The following LASP1 variants were observed in gnomAD, a reference collection of about 807,000 sequenced individuals.
LASP1 encodes LIM and SH3 domain protein 1.
Under a neutral mutation model 38.6 loss-of-function variants are expected in LASP1, and 10 were observed. The ratio of observed to expected loss-of-function variants is 0.26; its 90% CI spans 0.16 to 0.44. The LOEUF (loss-of-function observed/expected upper bound fraction) is 0.44, where lower values mean the gene tolerates loss of function less well. Ranked by LOEUF, LASP1 falls within the 20% of genes least tolerant of loss-of-function variation. The probability of loss-of-function intolerance (pLI) is 1.00; values close to 1 mark genes in which losing one functional copy is unlikely to be tolerated. For synonymous variants in LASP1, 132 were observed against 140.8 expected (o/e 0.94, Z 0.44); for missense variants, 243 against 375.7 (o/e 0.65, Z 2.92).
At chr17:38,873,365 C>A (rs887371180) in intron 1 of LASP1, among the ~76,000 whole-genome samples, 1 of 152,162 alleles carries the variant, frequency 6.6e-6, no homozygotes, top group Non-Finnish European at 1.5e-5. Context: ...TGGGCTCAGT[C>A]TTCACAGCAG....
rs374377577 is a variant in LASP1, at chr17:38,921,511, CAG to C, written c.*2735_*2736del. ...CTACAAACCTGTATTTAAAAAGAAACAGAAATGACCACGTGAAATTTGCCTCT... is the reference window on the plus strand; with the variant it reads ...CTACAAACCTGTATTTAAAAAGAAACAAATGACCACGTGAAATTTGCCTCT... On this transcript the variant is annotated 3_prime_UTR_variant, in exon 7 of 7. Coordinates refer to ENST00000318008, the MANE Select transcript of LASP1 (RefSeq NM_006148.4). 650 of 232,532 alleles carry C rather than the reference CAG, an allele frequency of 2.8e-3. 4 individuals carry two copies. The highest frequency in any genetic ancestry group is 0.012 in the African/African-American group (556 of 45,286). 14.4% of individuals were successfully genotyped at this position (232,532 alleles called of 1,614,324 possible).
chr17:38,908,767 C>T (rs1031068917), intron 4 of LASP1, among the ~76,000 whole-genome samples: 17 of 152,382 alleles, frequency 1.1e-4, no homozygotes, highest in African/African-American at 3.8e-4. Flanking sequence ...GGCTGTTCAG[C>T]CAGCAGGAGC....
intron 4 of LASP1, chr17:38,899,255 G>GAACTGCAGC (rs1277975138): frequency 2.4e-5 from 4 of 166,152 alleles, no homozygotes; most frequent in African/African-American, 7.1e-5. Context: ...TGCGCACACA[G>GAACTGCAGC]AACTGCAGGG....
At chr17:38,906,618 G>T (rs1914782339) in intron 4 of LASP1, among the ~76,000 whole-genome samples, 1 of 152,164 alleles carries the variant, frequency 6.6e-6, no homozygotes, top group South Asian at 2.1e-4. Flanking sequence ...CCTAGCTGGT[G>T]AGCTGATGAT....
chr17:38,897,139 A>T (rs957591122), intron 3 of LASP1: 77 of 923,640 alleles, frequency 8.3e-5, no homozygotes, highest in Non-Finnish European at 9.4e-5. Flanking sequence ...ACTAATGGGG[A>T]ACAGCACATC....
Position 38,920,864 on chromosome 17 carries a change from A to G in LASP1, c.*2086A>G. On this transcript the variant is annotated 3_prime_UTR_variant, in exon 7 of 7. Coordinates refer to ENST00000318008, the MANE Select transcript of LASP1 (RefSeq NM_006148.4). ...CTGTTTCCTCTTGATCTCAAAGCACAATGTGGATTTGGGGACCAAAGGTCA... is the reference window on the plus strand; with the variant it reads ...CTGTTTCCTCTTGATCTCAAAGCACGATGTGGATTTGGGGACCAAAGGTCA... 4.3e-6 allele frequency: 1 copy of G among 232,452 alleles called. No homozygotes were observed. The highest frequency in any genetic ancestry group is 8.5e-6 in the Non-Finnish European group (1 of 117,304). 14.4% of individuals were successfully genotyped at this position (232,452 alleles called of 1,614,324 possible).
intron 4 of LASP1, among the ~76,000 whole-genome samples, chr17:38,912,308 G>A (rs537734760): frequency 3.3e-5 from 5 of 152,352 alleles, no homozygotes; most frequent in Non-Finnish European, 7.3e-5. Flanking sequence ...GCCTTACGCC[G>A]CATGGAGCGG....
At position 38,870,090 on chromosome 17, in the gene LASP1, T is replaced by A. The variant is rs1410742476; in HGVS notation, c.-100T>A. ...CCCCAGCTCCAGCCGCCGTCGCTGCTGCCTGTGTAGTTGCAGCCGCGGCCG... is the reference window on the plus strand; with the variant it reads ...CCCCAGCTCCAGCCGCCGTCGCTGCAGCCTGTGTAGTTGCAGCCGCGGCCG... On this transcript the variant is annotated 5_prime_UTR_variant, in exon 1 of 7. Transcript: ENST00000318008. 1 of 1,303,206 alleles carries A rather than the reference T, an allele frequency of 7.7e-7. No individual in the cohort carries two copies. The highest frequency in any genetic ancestry group is 1.1e-6 in the Non-Finnish European group (1 of 917,368). 80.7% of individuals were successfully genotyped at this position (1,303,206 alleles called of 1,614,324 possible).
At chr17:38,900,804 G>C (rs560949077) in intron 4 of LASP1, among the ~76,000 whole-genome samples, 3 of 152,220 alleles carry the variant, frequency 2.0e-5, no homozygotes, top group African/African-American at 7.2e-5. Context: ...GGGATGCCTA[G>C]GGCGGGCACT....
At chr17:38,880,839 C>T (rs2143741732) in intron 2 of LASP1, among the ~76,000 whole-genome samples, 1 of 152,292 alleles carries the variant, frequency 6.6e-6, no homozygotes, top group African/African-American at 2.4e-5. Context: ...GGCATAGTGG[C>T]TCACGCCTGT....
At chr17:38,908,259 AG>A (rs1469240567) in intron 4 of LASP1, among the ~76,000 whole-genome samples, 4 of 152,184 alleles carry the variant, frequency 2.6e-5, no homozygotes, top group African/African-American at 9.6e-5. Context: ...ACAGGTTCTC[AG>A]GGGCAGGCTC....
chr17:38,895,384 C>T (rs1914456959), intron 3 of LASP1, among the ~76,000 whole-genome samples: 1 of 151,734 alleles, frequency 6.6e-6, no homozygotes, highest in Non-Finnish European at 1.5e-5. Flanking sequence ...ACAGTGTCAC[C>T]ATCTCAGCTC....
In LASP1 at chr17:38,896,935, G is replaced by T. The variant is rs371689047; in HGVS notation, c.250-1477G>T. 23 of 985,394 alleles carry T rather than the reference G, an allele frequency of 2.3e-5. No homozygotes were observed. In the African/African-American group the frequency reaches 3.5e-4, roughly 15 times the overall value. 61.0% of individuals were successfully genotyped at this position (985,394 alleles called of 1,614,324 possible). On this transcript the variant is annotated intron_variant, in intron 3 of 6. Transcript: ENST00000318008. ...ACCGAGGCCAGGGGCTTGAGATGCA[G>T]GGCTTCTGTATCTGGAGCTACATTT...
In LASP1 at chr17:38,909,728, CTCATTCAT is replaced by C. The variant is rs111395734; in HGVS notation, c.358-4571_358-4564del. ...ACTCCTGGTTCTGGTTCTTTTTCAT[CTCATTCAT>C]TCATTCATTCATTCATTCATTCATT... On this transcript the variant is annotated intron_variant, in intron 4 of 6. Coordinates refer to ENST00000318008, the MANE Select transcript of LASP1 (RefSeq NM_006148.4). Among the ~76,000 whole-genome samples the C allele has an allele frequency of 4.8e-4, 72 of 150,002 alleles. 2 individuals are homozygous for C. The East Asian group carries it at 7.9e-3, about 16-fold the overall frequency.
chr17:38,870,300 A>G, intron 1 of LASP1, 42 bp downstream of exon 1: 1 of 1,603,042 alleles, frequency 6.2e-7, no homozygotes, highest in Non-Finnish European at 8.5e-7. Context: ...AATCCCCCGC[A>G]GTGCTCCGAA....
intron 1 of LASP1, among the ~76,000 whole-genome samples, chr17:38,877,211 G>T (rs1367127268): frequency 6.6e-6 from 1 of 152,242 alleles, no homozygotes. Context: ...CTCAGTCCTG[G>T]ACAATCCCAG....
chr17:38,898,293 G>T, intron 3 of LASP1, 119 bp from the exon 4 acceptor site: 2 of 613,648 alleles, frequency 3.3e-6, no homozygotes, highest in Non-Finnish European at 5.8e-6. Flanking sequence ...TTCTGATCAG[G>T]GTCTTTCTGC....
chr17:38,909,529 C>T (rs1251155188), intron 4 of LASP1, among the ~76,000 whole-genome samples: 2 of 151,954 alleles, frequency 1.3e-5, no homozygotes, highest in Non-Finnish European at 2.9e-5. Context: ...ATCACTTGAA[C>T]CCGGGAGGCA....
intron 4 of LASP1, among the ~76,000 whole-genome samples, chr17:38,911,144 G>T (rs1914928472): frequency 6.6e-6 from 1 of 152,158 alleles, no homozygotes; most frequent in African/African-American, 2.4e-5. Context: ...AGAATAACTG[G>T]CTCCTTCACT....
Sources: gnomAD v4.1 joint callset for allele counts (sites outside exome capture counted in the v4.1 genomes callset) on GRCh38, gnomAD v4.1.1 for gene constraint, MANE v1.5 for transcripts, NCBI Gene and HGNC (gene_info 2026-07-23, HGNC 2026-07-21) for gene names.